The following CSMD3 variants were observed in gnomAD, a reference collection of about 807,000 sequenced individuals.
The protein encoded by CSMD3 is CUB and sushi domain-containing protein 3.
In CSMD3, 177 loss-of-function variants were observed where a neutral mutation model predicts 435.2. The observed-to-expected ratio is 0.41, with a 90% CI of 0.36 to 0.46. The LOEUF (loss-of-function observed/expected upper bound fraction) is 0.46. Among genes scored for constraint, CSMD3 ranks in the 20% least tolerant of loss-of-function variants. The probability of loss-of-function intolerance (pLI) is 0.34; values close to 1 mark genes in which losing one functional copy is unlikely to be tolerated. For synonymous variants in CSMD3, 1,656 were observed against 1,520.5 expected, an observed-to-expected ratio of 1.09 and a Z score of -2.07; for missense variants, 4,265 against 4,504.6, an observed-to-expected ratio of 0.95 and a Z score of 1.52.
At chr8:112,694,017 T>G (rs978819730) in intron 13 of CSMD3, among the ~76,000 whole-genome samples, 1 of 151,512 alleles carries the variant, frequency 6.6e-6, no homozygotes, top group Admixed American at 6.6e-5. Flanking sequence ...TCCTAAATAT[T>G]TAATGACTTT....
chr8:113,307,026 T>G (rs942884377), intron 2 of CSMD3, among the ~76,000 whole-genome samples: 15 of 151,968 alleles, frequency 9.9e-5, no homozygotes, highest in African/African-American at 3.6e-4. Flanking sequence ...TAAAGGAATA[T>G]ATAAAGTTCA....
intron 14 of CSMD3, among the ~76,000 whole-genome samples, chr8:112,688,922 T>A (rs2076071306): frequency 6.6e-6 from 1 of 152,068 alleles, no homozygotes; most frequent in Non-Finnish European, 1.5e-5. Flanking sequence ...ATTTTTGATG[T>A]GATATATTAC....
rs1826219914 is a variant in CSMD3, at chr8:112,352,465, A to G, written c.6206T>C (p.Met2069Thr). 3 of 1,613,562 alleles carry G rather than the reference A, an allele frequency of 1.9e-6. No homozygotes were observed. In the South Asian group the frequency reaches 3.3e-5, roughly 18 times the overall value. The stretch of plus-strand genomic sequence containing the variant: ...CTGAAAGGATACTACATCTCCAACC[A>G]TATATCTGTCTCCAATTTTAATTCC... ...SSGIKIGDRY[M>T]VGDVVSFQCD... Residue 2069 changes from methionine to threonine, a missense_variant, in exon 39 of 71, where the codon ATG becomes ACG. Coordinates refer to ENST00000297405, the MANE Select transcript of CSMD3 (RefSeq NM_198123.2).
chr8:112,437,962 A>C (rs60644074), intron 32 of CSMD3, among the ~76,000 whole-genome samples: 28,156 of 152,008 alleles, frequency 0.19, 3,203 homozygotes, highest in Middle Eastern at 0.36. Flanking sequence ...GTTTTATTTA[A>C]AGTTTTCTAT....
At chr8:113,265,165 A>G (rs2093459042) in intron 3 of CSMD3, among the ~76,000 whole-genome samples, 1 of 151,644 alleles carries the variant, frequency 6.6e-6, no homozygotes, top group South Asian at 2.1e-4. Context: ...CAAGGTATGG[A>G]CACATCTGAG....
chr8:112,980,438 A>G (rs1428814186), intron 6 of CSMD3, among the ~76,000 whole-genome samples: 4 of 151,434 alleles, frequency 2.6e-5, no homozygotes, highest in African/African-American at 9.7e-5. Context: ...TAACAAAATA[A>G]TAATAATTTT....
In CSMD3 at chr8:112,408,956, T is replaced by C; in HGVS notation, c.5472A>G (p.Gln1824=). The change falls in exon 33 of 71, where the codon CAA becomes CAG. Residue 1824 remains glutamine (Q), a synonymous_variant. Transcript: ENST00000297405. ...VVEVYDGPTQ[Q]SSLLSSLSGS... ...CTGAGAGGGAAGATAACAGAGAAGATTGCTGAGTTGGCCCATCATACACCT... is the reference window on the plus strand; with the variant it reads ...CTGAGAGGGAAGATAACAGAGAAGACTGCTGAGTTGGCCCATCATACACCT... 9.3e-6 allele frequency: 15 copies of C among 1,613,592 alleles called. No homozygotes were observed. The highest frequency in any genetic ancestry group is 1.3e-5 in the Non-Finnish European group (15 of 1,179,672).
intron 13 of CSMD3, among the ~76,000 whole-genome samples, chr8:112,793,345 A>G (rs898086702): frequency 2.0e-5 from 3 of 151,648 alleles, no homozygotes; most frequent in African/African-American, 7.3e-5. Context: ...AGCATAGTGA[A>G]CATTAATTAA....
chr8:112,858,971 A>AT (rs1196506814), intron 11 of CSMD3, among the ~76,000 whole-genome samples, 174 bp downstream of exon 11: 3 of 151,778 alleles, frequency 2.0e-5, no homozygotes, highest in Non-Finnish European at 4.4e-5. Flanking sequence ...TATTATTTTT[A>AT]TTTTTTCCCA....
intron 12 of CSMD3, among the ~76,000 whole-genome samples, chr8:112,813,592 C>A (rs941136488): frequency 6.6e-6 from 1 of 152,038 alleles, no homozygotes; most frequent in African/African-American, 2.4e-5. Flanking sequence ...AAACTTACAG[C>A]AAAATTTTCG....
chr8:113,025,980 G>A (rs116961768), intron 5 of CSMD3, among the ~76,000 whole-genome samples: 200 of 152,210 alleles, frequency 1.3e-3, no homozygotes, highest in Middle Eastern at 6.8e-3. Context: ...TCCCATAATA[G>A]GATGCACTAC....
chr8:113,154,322 C>G (rs925552917), intron 4 of CSMD3, among the ~76,000 whole-genome samples: 21 of 151,848 alleles, frequency 1.4e-4, no homozygotes, highest in Non-Finnish European at 2.7e-4. Context: ...ATGTTTTGGT[C>G]ACTGAAATTT....
In CSMD3 at chr8:112,305,983, A is replaced by G. The variant is rs1420491121; in HGVS notation, c.8071+24T>C. On this transcript the variant is annotated intron_variant, in intron 51 of 70. Transcript: ENST00000297405. ...TAAAATACCAAGAGAAAAACAAGTGATGAAATTCCCTTGACACACATACCA... is the reference window on the plus strand; with the variant it reads ...TAAAATACCAAGAGAAAAACAAGTGGTGAAATTCCCTTGACACACATACCA... The G allele has an allele frequency of 2.5e-6, 4 of 1,596,188 alleles. No individual in the cohort carries two copies. In the South Asian group the frequency reaches 4.4e-5, roughly 18 times the overall value.
intron 3 of CSMD3, among the ~76,000 whole-genome samples, chr8:113,186,186 T>C (rs2092498500): frequency 6.6e-6 from 1 of 152,048 alleles, no homozygotes; most frequent in Non-Finnish European, 1.5e-5. Flanking sequence ...CTACTTAATG[T>C]GAGCTCAAAT....
intron 10 of CSMD3, among the ~76,000 whole-genome samples, chr8:112,904,008 T>G (rs1038671365): frequency 6.6e-6 from 1 of 151,338 alleles, no homozygotes; most frequent in East Asian, 2.0e-4. Flanking sequence ...CACTGTAAAC[T>G]TGAGTGCCCT....
At chr8:113,018,495 G>A (rs901110109) in intron 6 of CSMD3, among the ~76,000 whole-genome samples, 3 of 152,074 alleles carry the variant, frequency 2.0e-5, no homozygotes, top group Admixed American at 6.6e-5. Flanking sequence ...AGTACACTAA[G>A]CTCACATAGT....
chr8:112,659,177 A>C (rs1257098799), intron 17 of CSMD3, among the ~76,000 whole-genome samples: 1 of 151,852 alleles, frequency 6.6e-6, no homozygotes, highest in African/African-American at 2.4e-5. Flanking sequence ...ATTGTTCAGT[A>C]CCAGTGAATC....
chr8:113,039,563 A>C (rs977400079), intron 5 of CSMD3, among the ~76,000 whole-genome samples: 1 of 152,196 alleles, frequency 6.6e-6, no homozygotes, highest in Non-Finnish European at 1.5e-5. Context: ...CACACTAACT[A>C]TAGTTCTCAT....
chr8:113,151,228 C>A (rs1192841498), intron 4 of CSMD3, among the ~76,000 whole-genome samples: 1 of 151,918 alleles, frequency 6.6e-6, no homozygotes, highest in Admixed American at 6.6e-5. Context: ...AAATATAATG[C>A]ATTAGTTCTC....
Sources: allele counts gnomAD v4.1 joint callset (sites outside exome capture counted in the v4.1 genomes callset), GRCh38; gene constraint gnomAD v4.1.1; transcripts MANE v1.5; gene names NCBI Gene and HGNC (gene_info 2026-07-23, HGNC 2026-07-21).